The following PAN3 variants were observed in gnomAD, a reference collection of about 807,000 sequenced individuals.
PAN3 encodes the protein PAN2-PAN3 deadenylation complex subunit PAN3.
Under a neutral mutation model 96.2 loss-of-function variants are expected in PAN3, and 19 were observed. That is an observed-to-expected ratio of 0.20 (90% CI 0.14 to 0.29). The LOEUF (loss-of-function observed/expected upper bound fraction) is 0.29. Among genes scored for constraint, PAN3 ranks in the 10% least tolerant of loss-of-function variants. The pLI, the probability that PAN3 is intolerant of heterozygous loss-of-function variation, is 1.00. For missense variants in PAN3, 882 were observed against 1,108.1 expected, an observed-to-expected ratio of 0.80 and a Z score of 2.90; for synonymous variants, 433 against 406.6, an observed-to-expected ratio of 1.06 and a Z score of -0.78.
intron 7 of PAN3, among the ~76,000 whole-genome samples, chr13:28,256,865 G>T (rs572969425): frequency 2.2e-4 from 34 of 152,252 alleles, no homozygotes; most frequent in African/African-American, 7.5e-4. Flanking sequence ...TTGTTTATAG[G>T]TATAGATAGT....
At chr13:28,201,989 A>C (rs1036597000) in intron 5 of PAN3, among the ~76,000 whole-genome samples, 1 of 151,870 alleles carries the variant, frequency 6.6e-6, no homozygotes, top group African/African-American at 2.4e-5. Context: ...AGTTTATGGC[A>C]TTATCTTCCC....
At chr13:28,220,479 A>G (rs1193674731) in intron 6 of PAN3, 101 bp downstream of exon 6, 3 of 1,343,624 alleles carry the variant, frequency 2.2e-6, no homozygotes, top group Non-Finnish European at 3.0e-6. Flanking sequence ...TGAATGATTC[A>G]CATTTGAACA....
At chr13:28,266,289 A>G (rs571829315) in intron 9 of PAN3, among the ~76,000 whole-genome samples, 4 of 152,326 alleles carry the variant, frequency 2.6e-5, no homozygotes, top group African/African-American at 9.6e-5. Context: ...GACAGTTAAC[A>G]GAATGAAAGT....
At chr13:28,247,636 C>T (rs1884333238) in intron 6 of PAN3, among the ~76,000 whole-genome samples, 3 of 152,162 alleles carry the variant, frequency 2.0e-5, no homozygotes, top group Admixed American at 1.3e-4. Flanking sequence ...GCTTCATTCT[C>T]TGCATGTAGT....
rs79210390 is a variant in PAN3 at position 28,237,535 on chromosome 13, G to A, written c.1000+17157G>A. 8.2e-3 allele frequency among the ~76,000 whole-genome samples: 1,252 copies of A among 152,242 alleles called. 25 individuals are homozygous for A. The highest frequency in any genetic ancestry group is 0.028 in the African/African-American group (1,181 of 41,536). ...AGCAGCAGTACTCTTGTGAAGTCCT[G>A]TGTGAACCCCCAAACCTAAAGTTAC... On this transcript the variant is annotated intron_variant, in intron 6 of 18. Transcript: ENST00000380958.
At chr13:28,224,514 A>G (rs1881785750) in intron 6 of PAN3, among the ~76,000 whole-genome samples, 1 of 152,236 alleles carries the variant, frequency 6.6e-6, no homozygotes, top group Admixed American at 6.5e-5. Context: ...TCATTAATTT[A>G]TAAATGAGAA....
In PAN3 at chr13:28,260,503, A is replaced by T; in HGVS notation, c.1305A>T (p.Gln435His). The T allele has an allele frequency of 6.2e-7, 1 of 1,613,772 alleles. No individual in the cohort carries two copies. Among genetic ancestry groups the T allele is most frequent in the Non-Finnish European group, 8.5e-7 (1 of 1,179,722 alleles). Residue 435 changes from glutamine to histidine, a missense_variant, in exon 8 of 19, where the codon CAA (glutamine) becomes CAT (histidine). Physicochemically the swap from Gln to His is conservative, Grantham distance 24 (BLOSUM62 0). Around this residue, in one of 3 missense-constraint regions of PAN3, gnomAD observed 364 missense variants for 513.6 expected, o/e 0.71. Transcript: ENST00000380958. Reference protein sequence around the residue: ...PPTAPHVAYMQPKANAPSFFM... With the variant: ...PPTAPHVAYMHPKANAPSFFM... ...CTGCACCTCACGTTGCTTATATGCA[A>T]CCGAAAGCAAACGCACCTTCCTTCT...
chr13:28,183,525 T>C (rs1046583099), intron 4 of PAN3, among the ~76,000 whole-genome samples: 2 of 152,202 alleles, frequency 1.3e-5, no homozygotes, highest in Admixed American at 1.3e-4. Flanking sequence ...GAGATATGTT[T>C]TCCTTTGGAA....
intron 18 of PAN3, 78 bp from the exon 19 acceptor site, chr13:28,292,304 A>G (rs1869854928): frequency 7.3e-7 from 1 of 1,378,162 alleles, no homozygotes; most frequent in Non-Finnish European, 9.7e-7. Context: ...TAGATATTTT[A>G]TTTATTTTTG....
chr13:28,217,975 G>A (rs1052870228), intron 5 of PAN3, among the ~76,000 whole-genome samples: 21 of 151,702 alleles, frequency 1.4e-4, no homozygotes, highest in African/African-American at 4.8e-4. Context: ...AAAGAAATAG[G>A]TTCTTTTCTC....
intron 1 of PAN3, among the ~76,000 whole-genome samples, chr13:28,140,815 A>T (rs1869667425): frequency 6.6e-6 from 1 of 152,160 alleles, no homozygotes; most frequent in African/African-American, 2.4e-5. Context: ...TAAGAAAATT[A>T]ATTTTGTAAA....
At chr13:28,215,030 G>A in intron 5 of PAN3, 1 of 1,175,736 alleles carries the variant, frequency 8.5e-7, no homozygotes, top group Non-Finnish European at 1.3e-6. Context: ...AAATCATTAA[G>A]GAAGTCAGCA....
chr13:28,196,509 ATAT>A (rs899540166), intron 4 of PAN3, among the ~76,000 whole-genome samples: 5 of 151,346 alleles, frequency 3.3e-5, no homozygotes, highest in African/African-American at 9.7e-5. Flanking sequence ...CAATCTGTTC[ATAT>A]TATTGAGATT....
In PAN3 at chr13:28,237,219, A is replaced by G. The variant is rs183055346; in HGVS notation, c.1000+16841A>G. On this transcript the variant is annotated intron_variant, in intron 6 of 18. Coordinates refer to ENST00000380958, the MANE Select transcript of PAN3 (RefSeq NM_175854.8). ...GATTTTTTTTTTTTACATGTTAAGT[A>G]CCTGATGCTCCTCTTTTAAAATCTT... Among the ~76,000 whole-genome samples the G allele has an allele frequency of 3.2e-3, 486 of 152,012 alleles. 3 individuals are homozygous for G. Among genetic ancestry groups the G allele is most frequent in the African/African-American group, 0.011 (458 of 41,456 alleles).
intron 1 of PAN3, among the ~76,000 whole-genome samples, chr13:28,154,348 C>T (rs1871800618): frequency 6.6e-6 from 1 of 151,974 alleles, no homozygotes; most frequent in African/African-American, 2.4e-5. Flanking sequence ...TGTCGTTAAG[C>T]CACTTGATTC....
In PAN3 at chr13:28,138,843, G is replaced by T; in HGVS notation, c.186G>T (p.Glu62Asp). ...AGGATAAGACTTGCTTCTACGGGGA[G>T]GAGTGTCAGTTCCTGCATGAGGACC... is the stretch of plus-strand genomic sequence containing the variant. ...YAKDKTCFYG[E>D]ECQFLHEDPA... The change falls in exon 1 of 19, where the codon GAG (glutamate) becomes GAT (aspartate). Residue 62 changes from glutamate (E) to aspartate (D), a missense_variant. Physicochemically the swap from Glu to Asp is conservative, Grantham distance 45. This residue lies in a region of PAN3 where 442 missense variants were observed against 422.8 expected (regional missense o/e 1.05). Transcript: ENST00000380958. 1 of 1,424,752 alleles carries T rather than the reference G, an allele frequency of 7.0e-7. No homozygotes were observed. Among genetic ancestry groups the T allele is most frequent in the Non-Finnish European group, 9.1e-7 (1 of 1,094,248 alleles). 88.3% of individuals were successfully genotyped at this position (1,424,752 alleles called of 1,614,324 possible). A position where few individuals can be genotyped will look rare whatever the true frequency, so the allele number is the denominator to read the frequency against.
chr13:28,144,891 C>T (rs866232865), intron 1 of PAN3, among the ~76,000 whole-genome samples: 3 of 150,978 alleles, frequency 2.0e-5, no homozygotes, highest in Admixed American at 6.6e-5. Context: ...GGCTAATTCT[C>T]GTATTTTTAG....
chr13:28,272,167 T>G (rs1011633092), intron 14 of PAN3, 96 bp downstream of exon 14: 13 of 864,268 alleles, frequency 1.5e-5, no homozygotes, highest in Non-Finnish European at 2.2e-5. Context: ...GCCTAGATTT[T>G]AATTTATTTT....
chr13:28,223,026 A>C (rs557234304), intron 6 of PAN3, among the ~76,000 whole-genome samples: 1 of 152,196 alleles, frequency 6.6e-6, no homozygotes, highest in Non-Finnish European at 1.5e-5. Flanking sequence ...TATTTGAGCA[A>C]AGTTGAGTGG....
Sources: gnomAD v4.1 joint callset for allele counts (sites outside exome capture counted in the v4.1 genomes callset) on GRCh38, gnomAD v4.1.1 for gene constraint, gnomAD v4.1.1 regional missense constraint, MANE v1.5 for transcripts, NCBI Gene and HGNC (gene_info 2026-07-23, HGNC 2026-07-21) for gene names.